Variants in FRMD6 observed in about 807,000 individuals in gnomAD.
The protein encoded by FRMD6 is FERM domain containing 6.
In FRMD6, 37 loss-of-function variants were observed where a neutral mutation model predicts 73.2. That is an observed-to-expected ratio of 0.51 (90% CI 0.39 to 0.66). The LOEUF (loss-of-function observed/expected upper bound fraction) is 0.66, where lower values mean the gene tolerates loss of function less well. Among genes scored for constraint, FRMD6 ranks in the 30% least tolerant of loss-of-function variants. The pLI is 0.00. For missense variants in FRMD6, 714 were observed against 780.5 expected, an observed-to-expected ratio of 0.91 and a Z score of 1.02; for synonymous variants, 273 against 282.2, an observed-to-expected ratio of 0.97 and a Z score of 0.33.
At chr14:51,493,533 T>C (rs557662878) in intron 1 of FRMD6, among the ~76,000 whole-genome samples, 1 of 152,316 alleles carries the variant, frequency 6.6e-6, no homozygotes, top group African/African-American at 2.4e-5. Flanking sequence ...GTGATTTTGC[T>C]CTTCCTTTGC....
chr14:51,469,422 G>C, the FRMD6 span, among the ~76,000 whole-genome samples: 1 of 150,108 alleles, frequency 6.7e-6, no homozygotes, highest in Non-Finnish European at 1.5e-5. Flanking sequence ...GACAATCCTG[G>C]CTAACACGGT....
the FRMD6 span, among the ~76,000 whole-genome samples, chr14:51,420,108 G>A: frequency 1.3e-5 from 2 of 152,158 alleles, no homozygotes; most frequent in Admixed American, 6.5e-5. Context: ...TGTGCTCTTT[G>A]GTCTGCATGT....
At chr14:51,410,350 A>G in the FRMD6 span, among the ~76,000 whole-genome samples, 1 of 152,246 alleles carries the variant, frequency 6.6e-6, no homozygotes, top group Admixed American at 6.5e-5. Flanking sequence ...TGCCCAAGGA[A>G]TTGTAAAGGA....
chr14:51,630,585 GA>G (rs1369871112), intron 2 of FRMD6, among the ~76,000 whole-genome samples: 1 of 152,008 alleles, frequency 6.6e-6, no homozygotes, highest in African/African-American at 2.4e-5. Context: ...GTCTCCACAA[GA>G]AAATAAAAAA....
At chr14:51,648,546 C>T (rs1322947253), upstream of FRMD6, among the ~76,000 whole-genome samples, 1 of 152,194 alleles carries the variant, frequency 6.6e-6, no homozygotes, top group Non-Finnish European at 1.5e-5. Context: ...AGTTTGAGAG[C>T]ACTGTCTCAA....
intron 1 of FRMD6, among the ~76,000 whole-genome samples, chr14:51,672,176 G>A (rs959396187): frequency 6.6e-6 from 1 of 152,184 alleles, no homozygotes; most frequent in Non-Finnish European, 1.5e-5. Flanking sequence ...AAAGGTCAGG[G>A]CAACAGTTTT....
intron 2 of FRMD6, among the ~76,000 whole-genome samples, chr14:51,644,395 ACT>A (rs71121654): frequency 0.016 from 2,285 of 146,198 alleles, 27 homozygotes; most frequent in Non-Finnish European, 0.027. Flanking sequence ...ACACTCACTC[ACT>A]CTCTCTCTCT....
chr14:51,416,888 A>G, the FRMD6 span, among the ~76,000 whole-genome samples: 2 of 152,112 alleles, frequency 1.3e-5, no homozygotes, highest in East Asian at 3.9e-4. Context: ...TGTTGAATTG[A>G]TCCCTTTACC....
intron 6 of FRMD6, among the ~76,000 whole-genome samples, chr14:51,705,515 A>G (rs1477312426): frequency 6.6e-6 from 1 of 152,058 alleles, no homozygotes; most frequent in Non-Finnish European, 1.5e-5. Flanking sequence ...CTATATCATT[A>G]GCCCCTCCCC....
intron 2 of FRMD6, among the ~76,000 whole-genome samples, chr14:51,622,782 T>C (rs1389919301): frequency 6.6e-6 from 1 of 152,188 alleles, no homozygotes; most frequent in Non-Finnish European, 1.5e-5. Flanking sequence ...TTTTTGTTTT[T>C]TGAGACAGGG....
At chr14:51,709,304 T>C (rs893701558) in intron 7 of FRMD6, among the ~76,000 whole-genome samples, 12 of 152,164 alleles carry the variant, frequency 7.9e-5, no homozygotes, top group African/African-American at 2.9e-4. Flanking sequence ...ACATACCTGC[T>C]TTTTAGGATT....
At chr14:51,428,253 C>T in the FRMD6 span, among the ~76,000 whole-genome samples, 2 of 152,124 alleles carry the variant, frequency 1.3e-5, no homozygotes, top group Non-Finnish European at 2.9e-5. Context: ...CCAATACAAA[C>T]TATCAGTGCC....
chr14:51,591,851 A>G (rs1018775320), intron 2 of FRMD6, among the ~76,000 whole-genome samples: 1 of 152,084 alleles, frequency 6.6e-6, no homozygotes, highest in African/African-American at 2.4e-5. Context: ...ACTATTTTTT[A>G]TTTTCTTATA....
the FRMD6 span, among the ~76,000 whole-genome samples, chr14:51,480,879 C>T: frequency 6.6e-6 from 1 of 152,160 alleles, no homozygotes; most frequent in African/African-American, 2.4e-5. Flanking sequence ...TGGCATGTCA[C>T]GGTGTGATGG....
the FRMD6 span, among the ~76,000 whole-genome samples, chr14:51,433,540 G>A: frequency 6.6e-5 from 10 of 152,184 alleles, no homozygotes; most frequent in Non-Finnish European, 1.5e-4. Flanking sequence ...GCCTAAGTAT[G>A]CTATGCCTAT....
the FRMD6 span, among the ~76,000 whole-genome samples, chr14:51,415,799 G>C: frequency 6.6e-6 from 1 of 152,066 alleles, no homozygotes; most frequent in African/African-American, 2.4e-5. Flanking sequence ...TTTTTTGGTT[G>C]GTAGGCTATT....
chr14:51,674,712 C>T (rs1038510289), intron 1 of FRMD6, among the ~76,000 whole-genome samples: 2 of 152,086 alleles, frequency 1.3e-5, no homozygotes, highest in African/African-American at 4.8e-5. Flanking sequence ...CCTTCCCCCA[C>T]ACCCTTTAAA....
chr14:51,482,601 G>A, the FRMD6 span, among the ~76,000 whole-genome samples: 1 of 152,088 alleles, frequency 6.6e-6, no homozygotes, highest in African/African-American at 2.4e-5. Flanking sequence ...TCTGTCCAAG[G>A]AACAGAAGTA....
intron 2 of FRMD6, among the ~76,000 whole-genome samples, chr14:51,690,337 T>C (rs1452876655): frequency 1.3e-5 from 2 of 152,180 alleles, no homozygotes; most frequent in East Asian, 1.9e-4. Flanking sequence ...TTGAAAGTAG[T>C]ATCAAAGACT....
Sources: allele counts gnomAD v4.1 joint callset (sites outside exome capture counted in the v4.1 genomes callset), GRCh38; gene constraint gnomAD v4.1.1; transcripts MANE v1.5; gene names NCBI Gene and HGNC (gene_info 2026-07-23, HGNC 2026-07-21).